The following MACROD2 variants were observed in gnomAD, a reference collection of about 807,000 sequenced individuals.
MACROD2 encodes mono-ADP ribosylhydrolase 2, also known as ADP-ribose glycohydrolase MACROD2.
A neutral mutation model predicts 70.4 loss-of-function variants in MACROD2; 36 were observed. The ratio of observed to expected loss-of-function variants is 0.51; its 90% CI spans 0.39 to 0.68. The LOEUF (loss-of-function observed/expected upper bound fraction) is 0.68. Among genes scored for constraint, MACROD2 ranks in the 30% least tolerant of loss-of-function variants. The pLI, the probability that MACROD2 is intolerant of heterozygous loss-of-function variation, is 0.00. For synonymous variants in MACROD2, 172 were observed against 178.8 expected (o/e 0.96, Z 0.30); for missense variants, 496 against 538.4 (o/e 0.92, Z 0.78).
At chr20:15,060,848 A>G (rs73897243) in intron 5 of MACROD2, among the ~76,000 whole-genome samples, 10,212 of 152,288 alleles carry the variant, frequency 0.067, 373 homozygotes, top group Middle Eastern at 0.17. Context: ...CAGTATACCC[A>G]TGAGTAATAG....
chr20:14,950,558 T>C (rs537108430), intron 5 of MACROD2, among the ~76,000 whole-genome samples: 1 of 152,284 alleles, frequency 6.6e-6, no homozygotes, highest in South Asian at 2.1e-4. Context: ...ACTAGAGACA[T>C]AGGCAAGCCC....
intron 3 of MACROD2, among the ~76,000 whole-genome samples, chr20:14,263,972 AACACACACACACACACAC>A (rs71190124): frequency 0.15 from 18,864 of 127,146 alleles, 1,568 homozygotes; most frequent in South Asian, 0.25. Flanking sequence ...ACCCTATCTA[AACACACACACACACACAC>A]ACACACACAC....
chr20:14,662,864 C>G (rs955861243), intron 4 of MACROD2, among the ~76,000 whole-genome samples: 2 of 151,526 alleles, frequency 1.3e-5, no homozygotes, highest in South Asian at 4.2e-4. Context: ...TGGAGAAATA[C>G]ACTGTTGATG....
chr20:14,178,329 A>G (rs2081279886), intron 3 of MACROD2, among the ~76,000 whole-genome samples: 1 of 152,200 alleles, frequency 6.6e-6, no homozygotes, highest in Admixed American at 6.5e-5. Context: ...ATGTACAATC[A>G]TAATGTACCA....
At chr20:14,081,902 CAT>C (rs1170889651) in intron 2 of MACROD2, among the ~76,000 whole-genome samples, 2 of 152,088 alleles carry the variant, frequency 1.3e-5, no homozygotes, top group African/African-American at 4.8e-5. Flanking sequence ...AAAAGAGCCT[CAT>C]GTTAGTTTTT....
At chr20:15,695,847 C>T (rs2050361317) in intron 8 of MACROD2, among the ~76,000 whole-genome samples, 1 of 152,016 alleles carries the variant, frequency 6.6e-6, no homozygotes, top group African/African-American at 2.4e-5. Flanking sequence ...TCCACTTGAT[C>T]ACTGTTTGTG....
At chr20:15,272,765 A>G (rs1169182573) in intron 6 of MACROD2, among the ~76,000 whole-genome samples, 1 of 152,210 alleles carries the variant, frequency 6.6e-6, no homozygotes, top group African/African-American at 2.4e-5. Context: ...AGTGAGGGCA[A>G]CTAATTTTTT....
chr20:15,956,584 GA>G (rs1213851418), intron 12 of MACROD2, among the ~76,000 whole-genome samples: 1 of 152,136 alleles, frequency 6.6e-6, no homozygotes, highest in Non-Finnish European at 1.5e-5. Context: ...ACACAAAAAC[GA>G]AATGCATACA....
chr20:14,239,095 C>T (rs1569221924), intron 3 of MACROD2, among the ~76,000 whole-genome samples: 1 of 149,794 alleles, frequency 6.7e-6, no homozygotes, highest in Non-Finnish European at 1.5e-5. Flanking sequence ...CAAGTTGGGA[C>T]CCCAATGAAG....
chr20:15,304,645 TCC>T (rs1370711719), intron 6 of MACROD2, among the ~76,000 whole-genome samples: 1 of 152,134 alleles, frequency 6.6e-6, no homozygotes, highest in Non-Finnish European at 1.5e-5. Context: ...CATATTCCTT[TCC>T]TTATTTGGAA....
chr20:14,253,166 A>T (rs1409647844), intron 3 of MACROD2, among the ~76,000 whole-genome samples: 2 of 152,012 alleles, frequency 1.3e-5, no homozygotes, highest in African/African-American at 4.8e-5. Flanking sequence ...AGAAAATGGT[A>T]TATTTTATGA....
chr20:14,431,406 A>G (rs967054198), intron 3 of MACROD2, among the ~76,000 whole-genome samples: 1 of 152,130 alleles, frequency 6.6e-6, no homozygotes, highest in Non-Finnish European at 1.5e-5. Context: ...TTTTTAAGAG[A>G]AGATAAGTTG....
intron 3 of MACROD2, among the ~76,000 whole-genome samples, chr20:14,174,699 A>G (rs965624065): frequency 1.9e-4 from 29 of 152,138 alleles, no homozygotes; most frequent in Admixed American, 7.9e-4. Context: ...TTGTCCAGGA[A>G]GCTTTGTGTG....
At chr20:14,223,656 C>T (rs1337318767) in intron 3 of MACROD2, among the ~76,000 whole-genome samples, 2 of 151,852 alleles carry the variant, frequency 1.3e-5, no homozygotes, top group African/African-American at 4.8e-5. Flanking sequence ...TACAGACGCC[C>T]GCCACCATGC....
intron 5 of MACROD2, among the ~76,000 whole-genome samples, chr20:14,723,741 T>C (rs1466972137): frequency 6.6e-6 from 1 of 151,940 alleles, no homozygotes; most frequent in Non-Finnish European, 1.5e-5. Flanking sequence ...TCACAAAAAT[T>C]ATGTATCTGG....
chr20:14,911,932 T>A (rs1377346633), intron 5 of MACROD2, among the ~76,000 whole-genome samples: 4 of 152,286 alleles, frequency 2.6e-5, no homozygotes, highest in Admixed American at 2.6e-4. Flanking sequence ...GGGATTCAGA[T>A]CTAGGCATTC....
chr20:15,025,908 A>G (rs955602749), intron 5 of MACROD2, among the ~76,000 whole-genome samples: 12 of 152,226 alleles, frequency 7.9e-5, no homozygotes, highest in Non-Finnish European at 1.8e-4. Flanking sequence ...TGAGAGGCAG[A>G]AAAAGGGAAA....
chr20:14,662,979 T>G (rs1315643899), intron 4 of MACROD2, among the ~76,000 whole-genome samples: 1 of 152,202 alleles, frequency 6.6e-6, no homozygotes, highest in Non-Finnish European at 1.5e-5. Context: ...ATCCCATTAC[T>G]GGGCATATAC....
chr20:15,028,913 G>A (rs1211383807), intron 5 of MACROD2, among the ~76,000 whole-genome samples: 1 of 152,212 alleles, frequency 6.6e-6, no homozygotes, highest in Non-Finnish European at 1.5e-5. Flanking sequence ...GGAAGAACAA[G>A]ATCGTGAATG....
Sources: allele counts gnomAD v4.1 joint callset (sites outside exome capture counted in the v4.1 genomes callset), GRCh38; gene constraint gnomAD v4.1.1; transcripts MANE v1.5; gene names NCBI Gene and HGNC (gene_info 2026-07-23, HGNC 2026-07-21).